Variants in LSAMP observed in about 807,000 individuals in gnomAD.
The protein encoded by LSAMP is limbic system-associated membrane protein.
A neutral mutation model predicts 38.6 loss-of-function variants in LSAMP; 7 were observed. The observed-to-expected ratio is 0.18, with a 90% CI of 0.10 to 0.34. LSAMP has a LOEUF of 0.34. LSAMP is among the 10% of genes least tolerant of loss of function. The probability of loss-of-function intolerance (pLI) is 1.00; values close to 1 mark genes in which losing one functional copy is unlikely to be tolerated. For synonymous variants in LSAMP, 154 were observed against 166.8 expected, an observed-to-expected ratio of 0.92 and a Z score of 0.59; for missense variants, 313 against 420.0, an observed-to-expected ratio of 0.75 and a Z score of 2.23.
chr3:116,193,015 T>C (rs937862977), intron 1 of LSAMP, among the ~76,000 whole-genome samples: 21 of 152,208 alleles, frequency 1.4e-4, no homozygotes, highest in African/African-American at 5.1e-4. Flanking sequence ...CCACGGTAGA[T>C]GAATAGTTTC....
chr3:115,978,158 C>A (rs1277204975), intron 3 of LSAMP, among the ~76,000 whole-genome samples: 2 of 152,010 alleles, frequency 1.3e-5, no homozygotes, highest in Non-Finnish European at 2.9e-5. Context: ...TGCCACCACG[C>A]CCAGCGACTT....
chr3:116,189,147 A>T (rs1710694792), intron 1 of LSAMP, among the ~76,000 whole-genome samples: 1 of 152,228 alleles, frequency 6.6e-6, no homozygotes, highest in African/African-American at 2.4e-5. Flanking sequence ...CAAAAAGTGG[A>T]TAAAGATTAA....
chr3:116,171,165 G>A (rs1343598929), intron 1 of LSAMP, among the ~76,000 whole-genome samples: 1 of 152,108 alleles, frequency 6.6e-6, no homozygotes, highest in Admixed American at 6.6e-5. Context: ...ACATTGGATT[G>A]TTGTGATGAT....
intron 1 of LSAMP, among the ~76,000 whole-genome samples, chr3:116,282,116 C>G (rs548735992): frequency 3.3e-5 from 5 of 152,122 alleles, no homozygotes; most frequent in Non-Finnish European, 7.4e-5. Flanking sequence ...CTTCCATGCT[C>G]GGAAAACAGA....
chr3:116,054,891 T>C (rs1941460568), intron 2 of LSAMP, among the ~76,000 whole-genome samples: 1 of 152,166 alleles, frequency 6.6e-6, no homozygotes. Context: ...TTTGGTGTTT[T>C]GGAAAGTTTG....
intron 6 of LSAMP, chr3:115,838,209 A>C (rs375406505): frequency 2.0e-4 from 31 of 152,402 alleles, no homozygotes; most frequent in African/African-American, 6.7e-4. Flanking sequence ...TGAAACATTT[A>C]GCATAGTACA....
At chr3:116,304,713 T>C (rs1054340559) in intron 1 of LSAMP, among the ~76,000 whole-genome samples, 4 of 152,086 alleles carry the variant, frequency 2.6e-5, no homozygotes, top group African/African-American at 4.8e-5. Flanking sequence ...ATGGAGAACA[T>C]CAAGAATACT....
At chr3:115,813,761 G>C (rs975483594) in intron 6 of LSAMP, among the ~76,000 whole-genome samples, 3 of 152,122 alleles carry the variant, frequency 2.0e-5, no homozygotes, top group African/African-American at 4.8e-5. Context: ...GGCTATTTCA[G>C]GGAAGAATAA....
rs541767974 is a variant in LSAMP at position 116,107,869 on chromosome 3, C to G, written c.156-21313G>C. 1.9e-4 allele frequency among the ~76,000 whole-genome samples: 29 copies of G among 152,144 alleles called. 2 individuals carry two copies. The South Asian group carries it at 2.3e-3, about 12-fold the overall frequency. On this transcript the variant is annotated intron_variant, in intron 1 of 6. Transcript: ENST00000490035. The stretch of plus-strand genomic sequence containing the variant: ...GATAGGAGAGTATATGGGTTTGGCA[C>G]CATGGGGTGGATAGGCAAAACAATT...
chr3:116,399,230 TAA>T (rs1300867054), intron 1 of LSAMP, among the ~76,000 whole-genome samples: 1 of 152,148 alleles, frequency 6.6e-6, no homozygotes, highest in Non-Finnish European at 1.5e-5. Flanking sequence ...GGGGAGCAAT[TAA>T]ATAATTGTAA....
chr3:116,055,966 T>C (rs1238705015), intron 2 of LSAMP, among the ~76,000 whole-genome samples: 1 of 152,054 alleles, frequency 6.6e-6, no homozygotes, highest in Non-Finnish European at 1.5e-5. Flanking sequence ...TCCCTGCTTT[T>C]TTTTTCCCCC....
chr3:116,182,661 G>T (rs1486705094), intron 1 of LSAMP, among the ~76,000 whole-genome samples: 1 of 151,690 alleles, frequency 6.6e-6, no homozygotes, highest in Non-Finnish European at 1.5e-5. Context: ...ATGGAGAAAA[G>T]GCAATAAAGA....
chr3:115,845,212 A>T (rs1208665542), intron 4 of LSAMP, among the ~76,000 whole-genome samples: 1 of 151,572 alleles, frequency 6.6e-6, no homozygotes, highest in East Asian at 1.9e-4. Flanking sequence ...AATAAATATT[A>T]GTTTCCAGTC....
intron 2 of LSAMP, among the ~76,000 whole-genome samples, chr3:116,030,674 T>G (rs1396302173): frequency 6.6e-6 from 1 of 152,138 alleles, no homozygotes; most frequent in African/African-American, 2.4e-5. Flanking sequence ...TCAAAAAATA[T>G]CAGGCTACCT....
At chr3:115,965,396 C>CA (rs935710846) in intron 3 of LSAMP, among the ~76,000 whole-genome samples, 40 of 147,860 alleles carry the variant, frequency 2.7e-4, no homozygotes, top group African/African-American at 6.9e-4. Flanking sequence ...CATTGAAATG[C>CA]AAAAAAAAAT....
At chr3:116,329,568 C>A (rs1308737227) in intron 1 of LSAMP, among the ~76,000 whole-genome samples, 1 of 152,050 alleles carries the variant, frequency 6.6e-6, no homozygotes, top group African/African-American at 2.4e-5. Context: ...GTTATATATG[C>A]AAATTCTTAG....
chr3:115,866,762 A>C (rs1935872083), intron 3 of LSAMP, among the ~76,000 whole-genome samples: 1 of 152,150 alleles, frequency 6.6e-6, no homozygotes, highest in Non-Finnish European at 1.5e-5. Flanking sequence ...TAAAGTGAGC[A>C]GAATTGACAG....
In LSAMP at chr3:115,888,322, G is replaced by T. The variant is rs559062629; in HGVS notation, c.515-35705C>A. ...AACATCCATCCCTTAATACATTGCT[G>T]TTTATCTTTCTATAACCACCCCAGG... On this transcript the variant is annotated intron_variant, in intron 3 of 6. Transcript: ENST00000490035. 1.4e-4 allele frequency among the ~76,000 whole-genome samples: 21 copies of T among 151,896 alleles called. No individual in the cohort carries two copies. In the South Asian group the frequency reaches 4.1e-3, roughly 30 times the overall value.
chr3:115,863,580 T>C (rs996321843), intron 3 of LSAMP, among the ~76,000 whole-genome samples: 4 of 151,724 alleles, frequency 2.6e-5, no homozygotes, highest in Admixed American at 2.0e-4. Context: ...CATATACATA[T>C]ATATTGTATA....
Sources: gnomAD v4.1 joint callset for allele counts (sites outside exome capture counted in the v4.1 genomes callset) on GRCh38, gnomAD v4.1.1 for gene constraint, MANE v1.5 for transcripts, NCBI Gene and HGNC (gene_info 2026-07-23, HGNC 2026-07-21) for gene names.